The following HHAT variants were observed in gnomAD, a reference collection of about 807,000 sequenced individuals.
HHAT encodes hedgehog acyltransferase, also known as protein-cysteine N-palmitoyltransferase HHAT.
HHAT carries 47 observed loss-of-function variants against 70.8 expected under a neutral mutation model. The ratio of observed to expected loss-of-function variants is 0.66; its 90% CI spans 0.53 to 0.85. HHAT has a LOEUF of 0.85. HHAT is among the 40% of genes least tolerant of loss of function. The probability of loss-of-function intolerance (pLI) is 0.00; values close to 1 mark genes in which losing one functional copy is unlikely to be tolerated. For missense variants in HHAT, 609 were observed against 604.8 expected (o/e 1.01, Z -0.07); for synonymous variants, 228 against 247.6 (o/e 0.92, Z 0.74).
At chr1:210,329,307 C>A (rs1000607793) in intron 1 of HHAT, 9 of 1,221,278 alleles carry the variant, frequency 7.4e-6, no homozygotes, top group Non-Finnish European at 9.2e-6. Flanking sequence ...CGCAGTGCGC[C>A]CGGGCAAAGG....
At position 210,610,340 on chromosome 1, in the gene HHAT, C is replaced by T. The variant is rs532075831; in HGVS notation, c.1246-13186C>T. On this transcript the variant is annotated intron_variant, in intron 10 of 11. Coordinates refer to ENST00000261458, the MANE Select transcript of HHAT (RefSeq NM_018194.6). ...TTCTTTTGAGAAGTGTCTTTCATGT[C>T]CTTTCCCTACTTTTTAATGGGGTTG... is the stretch of plus-strand genomic sequence containing the variant. 2.6e-5 allele frequency among the ~76,000 whole-genome samples: 4 copies of T among 151,560 alleles called. No individual in the cohort carries two copies. In the South Asian group the frequency reaches 8.4e-4, roughly 32 times the overall value.
chr1:210,562,426 T>A (rs946998703), intron 9 of HHAT, among the ~76,000 whole-genome samples: 22 of 149,256 alleles, frequency 1.5e-4, no homozygotes, highest in African/African-American at 5.1e-4. Flanking sequence ...AATTTTGAAT[T>A]TGCTGCAGAT....
intron 3 of HHAT, chr1:210,374,274 A>G (rs761625623): frequency 1.4e-4 from 22 of 151,962 alleles, no homozygotes; most frequent in East Asian, 3.9e-4. Context: ...GTGTAATGCT[A>G]CAAATTAGTT....
intron 9 of HHAT, among the ~76,000 whole-genome samples, chr1:210,545,241 A>G (rs2095472806): frequency 6.6e-6 from 1 of 152,062 alleles, no homozygotes; most frequent in South Asian, 2.1e-4. Flanking sequence ...CTGCAACCTC[A>G]TCATGCATTA....
At chr1:210,333,481 T>C (rs891484040) in intron 1 of HHAT, among the ~76,000 whole-genome samples, 4 of 152,182 alleles carry the variant, frequency 2.6e-5, no homozygotes, top group African/African-American at 9.7e-5. Context: ...TGAGTATATG[T>C]ACTTCTTTAT....
chr1:210,629,606 A>G (rs1263752024), intron 11 of HHAT, among the ~76,000 whole-genome samples: 2 of 152,200 alleles, frequency 1.3e-5, no homozygotes, highest in Non-Finnish European at 2.9e-5. Flanking sequence ...CACTGGGCTA[A>G]AGTCAAGGTG....
At chr1:210,394,635 G>T (rs73071973) in intron 4 of HHAT, among the ~76,000 whole-genome samples, 1 of 152,084 alleles carries the variant, frequency 6.6e-6, no homozygotes, top group Non-Finnish European at 1.5e-5. Flanking sequence ...TGCCTCTGAC[G>T]GGAGAACCCA....
At chr1:210,331,736 C>T (rs897600606) in intron 1 of HHAT, among the ~76,000 whole-genome samples, 7 of 152,180 alleles carry the variant, frequency 4.6e-5, no homozygotes, top group Middle Eastern at 3.2e-3. Flanking sequence ...GTTCACTTGT[C>T]GCCGCAATAA....
intron 4 of HHAT, among the ~76,000 whole-genome samples, chr1:210,393,952 A>G (rs1335731919): frequency 1.3e-5 from 2 of 152,132 alleles, no homozygotes; most frequent in Non-Finnish European, 2.9e-5. Context: ...AGTGTTCCAG[A>G]TGGCCTTAAT....
intron 10 of HHAT, among the ~76,000 whole-genome samples, chr1:210,619,010 G>A (rs184561000): frequency 3.9e-5 from 6 of 152,242 alleles, no homozygotes; most frequent in Admixed American, 2.0e-4. Context: ...GAGTGTTGTC[G>A]TGACATTCCT....
intron 9 of HHAT, among the ~76,000 whole-genome samples, chr1:210,529,943 A>G (rs966604749): frequency 1.3e-5 from 2 of 152,184 alleles, no homozygotes; most frequent in Admixed American, 6.5e-5. Flanking sequence ...CTAAAAACTA[A>G]GTTATGTATC....
intron 11 of HHAT, among the ~76,000 whole-genome samples, chr1:210,625,429 T>C (rs1669654737): frequency 6.6e-6 from 1 of 152,108 alleles, no homozygotes; most frequent in Non-Finnish European, 1.5e-5. Context: ...TGCGAGGCAC[T>C]GAGAACACAG....
At chr1:210,344,775 A>T (rs2086360889) in intron 1 of HHAT, among the ~76,000 whole-genome samples, 1 of 152,102 alleles carries the variant, frequency 6.6e-6, no homozygotes, top group Non-Finnish European at 1.5e-5. Context: ...TAGTACAGGC[A>T]CCTGTGAAAA....
intron 1 of HHAT, among the ~76,000 whole-genome samples, chr1:210,333,963 G>A (rs1490160579): frequency 6.6e-6 from 1 of 151,938 alleles, no homozygotes; most frequent in East Asian, 1.9e-4. Context: ...GGCTGGAACT[G>A]CTCTTACTAC....
chr1:210,367,194 T>C (rs1031517177), intron 3 of HHAT, among the ~76,000 whole-genome samples: 1 of 152,230 alleles, frequency 6.6e-6, no homozygotes, highest in African/African-American at 2.4e-5. Flanking sequence ...ACAAATTTAT[T>C]TGTAGAATTT....
At chr1:210,560,128 G>C (rs903298436) in intron 9 of HHAT, among the ~76,000 whole-genome samples, 1 of 152,194 alleles carries the variant, frequency 6.6e-6, no homozygotes, top group Non-Finnish European at 1.5e-5. Flanking sequence ...CCTCAGTCCT[G>C]AGGCATTCAG....
At chr1:210,565,588 CAG>C (rs1654521773) in intron 9 of HHAT, among the ~76,000 whole-genome samples, 1 of 152,048 alleles carries the variant, frequency 6.6e-6, no homozygotes, top group African/African-American at 2.4e-5. Flanking sequence ...TCTAAAAAAA[CAG>C]AAACGATGAC....
rs535571191 is a variant in HHAT at position 210,528,687 on chromosome 1, C to A, written c.1043+15499C>A. ...GAGGAATATTATCACTAATCTGTTA[C>A]CAATCATAATACCAATGTTTGCAAT... On this transcript the variant is annotated intron_variant, in intron 9 of 11. Transcript: ENST00000261458. 4.0e-5 allele frequency among the ~76,000 whole-genome samples: 6 copies of A among 151,462 alleles called. No homozygotes were observed. In the East Asian group the frequency reaches 9.8e-4, roughly 25 times the overall value.
At chr1:210,672,498 G>A (rs937844739) in intron 11 of HHAT, among the ~76,000 whole-genome samples, 2 of 152,196 alleles carry the variant, frequency 1.3e-5, no homozygotes, top group African/African-American at 4.8e-5. Context: ...CAGTTTAAAT[G>A]TGCTCTGTGC....
Sources: allele counts gnomAD v4.1 joint callset (sites outside exome capture counted in the v4.1 genomes callset), GRCh38; gene constraint gnomAD v4.1.1; transcripts MANE v1.5; gene names NCBI Gene and HGNC (gene_info 2026-07-23, HGNC 2026-07-21).